The following STK32A variants were observed in gnomAD, a reference collection of about 807,000 sequenced individuals.
The protein encoded by STK32A is serine/threonine kinase 32A, also known as serine/threonine-protein kinase 32A.
In STK32A, 41 loss-of-function variants were observed where a neutral mutation model predicts 53.2. The ratio of observed to expected loss-of-function variants is 0.77; its 90% CI spans 0.60 to 1.00. STK32A has a LOEUF of 1.00. STK32A is among the 50% of genes least tolerant of loss of function. STK32A has a pLI of 0.00. For synonymous variants in STK32A, 166 were observed against 162.8 expected, an observed-to-expected ratio of 1.02 and a Z score of -0.15; for missense variants, 458 against 485.8, an observed-to-expected ratio of 0.94 and a Z score of 0.54.
chr5:147,349,220 T>C (rs1755838445), intron 6 of STK32A, among the ~76,000 whole-genome samples: 1 of 152,220 alleles, frequency 6.6e-6, no homozygotes. Flanking sequence ...TTTACTTTAC[T>C]GAAATATCAT....
chr5:147,326,078 G>T (rs1285017039), intron 5 of STK32A, among the ~76,000 whole-genome samples: 2 of 152,120 alleles, frequency 1.3e-5, no homozygotes, highest in African/African-American at 4.8e-5. Context: ...TTAGAACTGT[G>T]TTCCAAGAGG....
At chr5:147,258,702 A>G (rs1162704857) in intron 2 of STK32A, among the ~76,000 whole-genome samples, 1 of 149,342 alleles carries the variant, frequency 6.7e-6, no homozygotes, top group Non-Finnish European at 1.5e-5. Context: ...TTTTTTTAAG[A>G]TAATCATTCT....
At chr5:147,379,194 G>C (rs1561758903) in intron 11 of STK32A, among the ~76,000 whole-genome samples, 1 of 151,568 alleles carries the variant, frequency 6.6e-6, no homozygotes, top group Non-Finnish European at 1.5e-5. Flanking sequence ...GTTGTGAATG[G>C]GAGTTCATTC....
chr5:147,247,205 C>A (rs1244833575), intron 2 of STK32A, among the ~76,000 whole-genome samples: 1 of 152,188 alleles, frequency 6.6e-6, no homozygotes, highest in East Asian at 1.9e-4. Flanking sequence ...TGCTGTATGG[C>A]CTTGCAAATG....
intron 4 of STK32A, among the ~76,000 whole-genome samples, chr5:147,289,290 A>C (rs1406997438): frequency 6.6e-6 from 1 of 152,210 alleles, no homozygotes; most frequent in Admixed American, 6.5e-5. Flanking sequence ...ACCCGAAAGC[A>C]TTAAAAGCTT....
rs1754455350 is a variant in STK32A, at chr5:147,324,083, C to T, written c.434+12C>T. On this transcript the variant is annotated intron_variant, in intron 5 of 12. Transcript: ENST00000397936. The stretch of plus-strand genomic sequence containing the variant: ...CGCATCATTCACAGGTCAGTCAAGT[C>T]CAAGGAGATGGCCATGAACGTAACG... The T allele has an allele frequency of 6.3e-7, 1 of 1,591,486 alleles. No homozygotes were observed. Among genetic ancestry groups the T allele is most frequent in the Non-Finnish European group, 8.6e-7 (1 of 1,168,806 alleles).
rs575046235 is a variant in STK32A, at chr5:147,343,634, A to G, written c.472+591A>G. ...GACTGTCACGAAGAAATCACTCAAT[A>G]GAAGTCTAATATTGGTACAATTTTT... On this transcript the variant is annotated intron_variant, in intron 6 of 12. Coordinates refer to ENST00000397936, the MANE Select transcript of STK32A (RefSeq NM_001112724.2). 6.9e-4 allele frequency among the ~76,000 whole-genome samples: 105 copies of G among 152,328 alleles called. 1 individual carries two copies. Among genetic ancestry groups the G allele is most frequent in the African/African-American group, 2.5e-3 (103 of 41,588 alleles).
At chr5:147,395,806 C>G in the STK32A span, 1 of 1,503,308 alleles carries the variant, frequency 6.7e-7, no homozygotes, top group Non-Finnish European at 9.0e-7. Context: ...TTAGTGAATA[C>G]AGTGTGTGGT....
the STK32A span, among the ~76,000 whole-genome samples, chr5:147,400,037 C>T: frequency 1.3e-5 from 2 of 151,278 alleles, no homozygotes; most frequent in Non-Finnish European, 3.0e-5. Context: ...CTTTAGTATA[C>T]ATAACTTTGA....
intron 2 of STK32A, among the ~76,000 whole-genome samples, chr5:147,274,913 G>A (rs975543621): frequency 6.6e-6 from 1 of 152,140 alleles, no homozygotes; most frequent in African/African-American, 2.4e-5. Context: ...TTTCTGTAAA[G>A]AGCCATCCAG....
At chr5:147,359,980 C>T (rs1318220547) in intron 7 of STK32A, among the ~76,000 whole-genome samples, 1 of 152,070 alleles carries the variant, frequency 6.6e-6, no homozygotes, top group South Asian at 2.1e-4. Context: ...TTGCCCAGAG[C>T]CAGCACTTTA....
At chr5:147,280,722 A>G (rs1752025548) in intron 4 of STK32A, among the ~76,000 whole-genome samples, 1 of 151,940 alleles carries the variant, frequency 6.6e-6, no homozygotes, top group African/African-American at 2.4e-5. Flanking sequence ...ATCGGAAAAC[A>G]AAGGGCATAT....
At chr5:147,292,511 C>A (rs1752644785) in intron 4 of STK32A, among the ~76,000 whole-genome samples, 2 of 152,222 alleles carry the variant, frequency 1.3e-5, no homozygotes, top group South Asian at 2.1e-4. Context: ...AAAAAAAATT[C>A]TTGACTTTGG....
At chr5:147,264,844 G>C (rs1057076550) in intron 2 of STK32A, among the ~76,000 whole-genome samples, 4 of 151,996 alleles carry the variant, frequency 2.6e-5, no homozygotes, top group South Asian at 2.1e-4. Flanking sequence ...AGATTAGAAG[G>C]GGGGTAAGTA....
At chr5:147,258,805 T>C (rs1754354873) in intron 2 of STK32A, among the ~76,000 whole-genome samples, 2 of 152,198 alleles carry the variant, frequency 1.3e-5, no homozygotes, top group Admixed American at 1.3e-4. Context: ...CTGTTAACTT[T>C]TAGCTAAATT....
intron 2 of STK32A, among the ~76,000 whole-genome samples, chr5:147,272,110 T>C (rs7716813): frequency 0.59 from 89,332 of 151,854 alleles, 26,639 homozygotes; most frequent in African/African-American, 0.67. Context: ...TATTTTTCAA[T>C]GCAGCTGATG....
chr5:147,255,221 A>G (rs1383078645), intron 2 of STK32A, among the ~76,000 whole-genome samples: 1 of 152,244 alleles, frequency 6.6e-6, no homozygotes, highest in Non-Finnish European at 1.5e-5. Flanking sequence ...CTCATATCTA[A>G]CAATCCCTCC....
chr5:147,320,689 T>G (rs975305100), intron 4 of STK32A, among the ~76,000 whole-genome samples: 8 of 152,224 alleles, frequency 5.3e-5, no homozygotes, highest in African/African-American at 1.9e-4. Flanking sequence ...AAAAGGCTTC[T>G]GTGAGAAGTG....
chr5:147,377,515 A>G lies in STK32A; in HGVS notation c.1032+2297A>G, dbSNP rs577013488. ...TTTTTCTGTTGCTATTGAAAACTCG[A>G]CATTTAAATATGATAATGTGGTAAC... On this transcript the variant is annotated intron_variant, in intron 11 of 12. Transcript: ENST00000397936. Among the ~76,000 whole-genome samples, 5 of 152,136 alleles carry G rather than the reference A, an allele frequency of 3.3e-5. No homozygotes were observed. In the East Asian group the frequency reaches 9.7e-4, roughly 29 times the overall value.
Sources: allele counts gnomAD v4.1 joint callset (sites outside exome capture counted in the v4.1 genomes callset), GRCh38; gene constraint gnomAD v4.1.1; transcripts MANE v1.5; gene names NCBI Gene and HGNC (gene_info 2026-07-23, HGNC 2026-07-21).